Variants in DCAF4 observed in about 807,000 individuals in gnomAD.
The protein encoded by DCAF4 is DDB1 and CUL4 associated factor 4.
In DCAF4, 37 loss-of-function variants were observed where a neutral mutation model predicts 60.9. That is an observed-to-expected ratio of 0.61 (90% CI 0.47 to 0.80). The LOEUF is 0.80. Ranked by LOEUF, DCAF4 falls within the 30% of genes least tolerant of loss-of-function variation. DCAF4 has a pLI of 0.00. For missense variants in DCAF4, 577 were observed against 650.0 expected (o/e 0.89, Z 1.22); for synonymous variants, 243 against 254.8 (o/e 0.95, Z 0.44).
In DCAF4 at chr14:72,945,928, A is replaced by G. The variant is rs373154341; in HGVS notation, c.579A>G (p.Lys193=). 4 of 1,614,082 alleles carry G rather than the reference A, an allele frequency of 2.5e-6. No homozygotes were observed. The highest frequency in any genetic ancestry group is 3.4e-6 in the Non-Finnish European group (4 of 1,180,044). Residue 193 remains lysine (K), a synonymous_variant, in exon 7 of 14, where the codon AAA becomes AAG. Transcript: ENST00000358377. ...SDRLFTVNDV[K]VGGSKYGIIN... is the part of the protein sequence containing the mutation. Reference sequence around the variant, plus strand: ...GGCTCTTCACAGTGAACGATGTTAAAGTTGGAGGCTCCAAGTATGGTATCA... The same window carrying G: ...GGCTCTTCACAGTGAACGATGTTAAGGTTGGAGGCTCCAAGTATGGTATCA...
At chr14:72,948,413 G>C (rs1891012471) in intron 8 of DCAF4, among the ~76,000 whole-genome samples, 1 of 152,162 alleles carries the variant, frequency 6.6e-6, no homozygotes. Flanking sequence ...ATTTATATAA[G>C]GCATCAAACT....
chr14:72,930,362 G>A (rs1239059189), intron 1 of DCAF4, among the ~76,000 whole-genome samples: 2 of 151,288 alleles, frequency 1.3e-5, no homozygotes, highest in South Asian at 2.1e-4. Flanking sequence ...TCCACCTCCC[G>A]GGTTCAAGCG....
downstream of DCAF4, chr14:72,960,458 A>AAATATATTT (rs1475160024): frequency 4.7e-6 from 1 of 213,616 alleles, no homozygotes; most frequent in Non-Finnish European, 8.1e-6. Context: ...CCCGATTCTT[A>AAATATATTT]AATATATTTA....
At chr14:72,952,007 T>A in intron 9 of DCAF4, 130 bp downstream of exon 9, 1 of 934,704 alleles carries the variant, frequency 1.1e-6, no homozygotes, top group Non-Finnish European at 1.6e-6. Flanking sequence ...GTCCCAGGGT[T>A]AGTACCAGAA....
Position 72,956,488 on chromosome 14 carries a change from A to G in DCAF4, c.1282A>G (p.Ile428Val), listed in dbSNP as rs190509059. The G allele has an allele frequency of 3.1e-6, 5 of 1,611,720 alleles. No individual in the cohort carries two copies. The African/African-American group carries it at 6.7e-5, about 22-fold the overall frequency. ...LPLHVHEEEG[I>V]LVAVGQDCYT... is the part of the protein sequence containing the mutation. ...CCTGCATGTGCACGAGGAAGAAGGA[A>G]TCCTGGTGGCAGGTACTTGAGGAAG... The change falls in exon 13 of 14, where the codon ATC becomes GTC. Residue 428 changes from isoleucine (I) to valine (V), a missense_variant. By Grantham distance (29) the Ile-to-Val change is conservative (BLOSUM62 3). Coordinates refer to ENST00000358377, the MANE Select transcript of DCAF4 (RefSeq NM_015604.4).
intron 6 of DCAF4, among the ~76,000 whole-genome samples, chr14:72,943,686 A>G (rs1890341934): frequency 6.6e-6 from 1 of 152,188 alleles, no homozygotes; most frequent in African/African-American, 2.4e-5. Flanking sequence ...GCAGAGAGCT[A>G]GAAGGACCAC....
chr14:72,940,551 A>T, intron 4 of DCAF4, 174 bp downstream of exon 4: 3 of 543,682 alleles, frequency 5.5e-6, no homozygotes, highest in Non-Finnish European at 6.0e-6. Flanking sequence ...AACAGCCAAG[A>T]GCCCCCTTCT....
intron 1 of DCAF4, among the ~76,000 whole-genome samples, chr14:72,928,137 G>A (rs1887886776): frequency 7.1e-6 from 1 of 140,980 alleles, no homozygotes; most frequent in African/African-American, 2.7e-5. Context: ...ACAGACCAGT[G>A]GCGTTAGCGT....
At chr14:72,934,599 T>G (rs754612235) in intron 1 of DCAF4, among the ~76,000 whole-genome samples, 25 of 152,118 alleles carry the variant, frequency 1.6e-4, no homozygotes, top group Non-Finnish European at 3.5e-4. Context: ...TTGCCTGACA[T>G]TTTCATTCTT....
chr14:72,951,439 C>T (rs1429284301), intron 8 of DCAF4, among the ~76,000 whole-genome samples: 1 of 152,032 alleles, frequency 6.6e-6, no homozygotes, highest in Admixed American at 6.6e-5. Flanking sequence ...TGGAGAAACC[C>T]CGTCTCTACT....
Position 72,958,899 on chromosome 14 carries a change from C to G in DCAF4, c.*94C>G, listed in dbSNP as rs896398641. ...TCTAATGAGGGTGTTTTAAGTGACA[C>G]TCAGTGTACACAGATCCCATCCTCT... On this transcript the variant is annotated 3_prime_UTR_variant, in exon 14 of 14. Transcript: ENST00000358377. 26 of 1,491,804 alleles carry G rather than the reference C, an allele frequency of 1.7e-5. No individual in the cohort carries two copies. The highest frequency in any genetic ancestry group is 2.4e-5 in the Admixed American group (1 of 41,984). The allele number at this position is 1,491,804 out of a possible 1,614,324, so 92.4% of individuals were successfully genotyped here.
intron 11 of DCAF4, 21 bp from the exon 12 acceptor site, chr14:72,955,502 G>A: frequency 6.2e-7 from 1 of 1,609,910 alleles, no homozygotes; most frequent in Non-Finnish European, 8.5e-7. Context: ...GCCAGGCACT[G>A]AGCAGTCCCT....
intron 1 of DCAF4, chr14:72,929,657 G>T: frequency 1.5e-6 from 2 of 1,334,338 alleles, no homozygotes; most frequent in Non-Finnish European, 2.1e-6. Flanking sequence ...CCAGTACCTT[G>T]CTCAGCTCCT....
At chr14:72,949,735 C>T (rs1337039443) in intron 8 of DCAF4, among the ~76,000 whole-genome samples, 4 of 152,040 alleles carry the variant, frequency 2.6e-5, no homozygotes, top group South Asian at 2.1e-4. Context: ...CCAGCCTGAG[C>T]GAAAGAGCAA....
chr14:72,941,992 C>G (rs1313862357), intron 5 of DCAF4, 168 bp downstream of exon 5: 1 of 640,170 alleles, frequency 1.6e-6, no homozygotes, highest in African/African-American at 1.8e-5. Context: ...TTAAACCCAC[C>G]CTGAGAAAGC....
rs1026121541 is a variant in DCAF4 at position 72,956,494 on chromosome 14, G to A, written c.1288G>A (p.Val430Met). Residue 430 changes from valine (V) to methionine (M), a missense_variant, in exon 13 of 14, where the codon GTG becomes ATG. Coordinates refer to ENST00000358377, the MANE Select transcript of DCAF4 (RefSeq NM_015604.4). Reference protein sequence around the residue: ...LHVHEEEGILVAVGQDCYTRI... With the variant: ...LHVHEEEGILMAVGQDCYTRI... ...TGTGCACGAGGAAGAAGGAATCCTGGTGGCAGGTACTTGAGGAAGGAAGGG... is the reference window on the plus strand; with the variant it reads ...TGTGCACGAGGAAGAAGGAATCCTGATGGCAGGTACTTGAGGAAGGAAGGG... The A allele has an allele frequency of 6.2e-7, 1 of 1,611,152 alleles. No homozygotes were observed. Among genetic ancestry groups the A allele is most frequent in the African/African-American group, 1.3e-5 (1 of 74,994 alleles).
At chr14:72,949,311 C>T (rs1434254173) in intron 8 of DCAF4, among the ~76,000 whole-genome samples, 1 of 152,134 alleles carries the variant, frequency 6.6e-6, no homozygotes, top group Admixed American at 6.6e-5. Context: ...ATTCTATTAG[C>T]TGAGCATCAT....
In DCAF4 at chr14:72,956,488, A is replaced by T. The variant is rs190509059; in HGVS notation, c.1282A>T (p.Ile428Phe). The T allele has an allele frequency of 9.1e-5, 147 of 1,611,838 alleles. No homozygotes were observed. Among genetic ancestry groups the T allele is most frequent in the Non-Finnish European group, 1.2e-4 (141 of 1,178,944 alleles). ...LPLHVHEEEG[I>F]LVAVGQDCYT... is the part of the protein sequence containing the mutation. ...CCTGCATGTGCACGAGGAAGAAGGA[A>T]TCCTGGTGGCAGGTACTTGAGGAAG... The change falls in exon 13 of 14, where the codon ATC becomes TTC. Residue 428 changes from isoleucine to phenylalanine, a missense_variant. Ile to Phe is a conservative substitution (Grantham distance 21, BLOSUM62 0). Transcript: ENST00000358377.
chr14:72,935,545 A>G (rs767645912), intron 1 of DCAF4, among the ~76,000 whole-genome samples: 1 of 152,206 alleles, frequency 6.6e-6, no homozygotes, highest in Non-Finnish European at 1.5e-5. Flanking sequence ...GTGAGCCACC[A>G]CATCCGGCCT....
Sources: allele counts gnomAD v4.1 joint callset (sites outside exome capture counted in the v4.1 genomes callset), GRCh38; gene constraint gnomAD v4.1.1; transcripts MANE v1.5; gene names NCBI Gene and HGNC (gene_info 2026-07-23, HGNC 2026-07-21).